Variants in FERRY3 observed in about 807,000 individuals in gnomAD.
The protein encoded by FERRY3 is FERRY endosomal RAB5 effector complex subunit 3, also known as protein C12orf4.
chr12:4,527,499 C>T, the FERRY3 span, among the ~76,000 whole-genome samples: 1 of 152,040 alleles, frequency 6.6e-6, no homozygotes. Context: ...ATCATTATAA[C>T]TTGTATTATT....
chr12:4,487,896 T>C, the FERRY3 span: 2 of 152,126 alleles, frequency 1.3e-5, no homozygotes, highest in Non-Finnish European at 2.9e-5. Context: ...AGAAGCCCTT[T>C]AGAACACTCA....
the FERRY3 span, among the ~76,000 whole-genome samples, chr12:4,530,757 C>T: frequency 2.0e-5 from 3 of 151,908 alleles, no homozygotes; most frequent in African/African-American, 7.3e-5. Flanking sequence ...ACAAGAAAAG[C>T]AGAAACAGGG....
At chr12:4,528,308 T>A in the FERRY3 span, among the ~76,000 whole-genome samples, 1 of 152,174 alleles carries the variant, frequency 6.6e-6, no homozygotes, top group Non-Finnish European at 1.5e-5. Context: ...TTAATTAGTA[T>A]TAGGTAATTC....
At chr12:4,492,869 CT>C in the FERRY3 span, among the ~76,000 whole-genome samples, 1 of 152,152 alleles carries the variant, frequency 6.6e-6, no homozygotes, top group African/African-American at 2.4e-5. Context: ...CTATTTAAGG[CT>C]ACATACTTTA....
the FERRY3 span, among the ~76,000 whole-genome samples, chr12:4,516,007 A>G: frequency 6.6e-6 from 1 of 152,230 alleles, no homozygotes; most frequent in African/African-American, 2.4e-5. Flanking sequence ...ATGTTATGTT[A>G]TGGATAAATA....
At chr12:4,523,934 T>G in the FERRY3 span, among the ~76,000 whole-genome samples, 9 of 152,048 alleles carry the variant, frequency 5.9e-5, no homozygotes, top group African/African-American at 2.2e-4. Context: ...GTTGTGCACA[T>G]GTACCCTAGA....
chr12:4,507,333 A>AT, the FERRY3 span, among the ~76,000 whole-genome samples: 1 of 152,124 alleles, frequency 6.6e-6, no homozygotes, highest in African/African-American at 2.4e-5. Context: ...GTATACCGAG[A>AT]TTTTCTGAAA....
At chr12:4,527,739 G>A in the FERRY3 span, among the ~76,000 whole-genome samples, 1 of 151,656 alleles carries the variant, frequency 6.6e-6, no homozygotes. Flanking sequence ...TCAAGCTAGC[G>A]GTTTGGACAG....
the FERRY3 span, among the ~76,000 whole-genome samples, chr12:4,492,507 GATT>G: frequency 6.6e-6 from 1 of 152,166 alleles, no homozygotes; most frequent in Non-Finnish European, 1.5e-5. Flanking sequence ...CATCATCAAT[GATT>G]ATTAATTACC....
chr12:4,493,097 C>T, the FERRY3 span, among the ~76,000 whole-genome samples: 1 of 152,130 alleles, frequency 6.6e-6, no homozygotes, highest in African/African-American at 2.4e-5. Context: ...AGCTTAATTG[C>T]CATCTCCTCC....
the FERRY3 span, among the ~76,000 whole-genome samples, chr12:4,537,378 A>C: frequency 1.3e-5 from 2 of 151,848 alleles, no homozygotes; most frequent in African/African-American, 4.8e-5. Context: ...TCTATTTCTT[A>C]CTCTTGGCTA....
At chr12:4,524,338 CAGTA>C in the FERRY3 span, among the ~76,000 whole-genome samples, 1,440 of 151,896 alleles carry the variant, frequency 9.5e-3, 24 homozygotes, top group African/African-American at 0.033. Context: ...TTGGGGAAAA[CAGTA>C]AGGCAAATGA....
the FERRY3 span, among the ~76,000 whole-genome samples, chr12:4,523,717 C>A: frequency 5.9e-5 from 9 of 152,212 alleles, no homozygotes; most frequent in Admixed American, 5.9e-4. Flanking sequence ...GGACAAAAAA[C>A]CAAACACCGC....
chr12:4,530,981 A>AT, the FERRY3 span, among the ~76,000 whole-genome samples: 1 of 152,178 alleles, frequency 6.6e-6, no homozygotes, highest in African/African-American at 2.4e-5. Flanking sequence ...AAAAAAAAAA[A>AT]CTAAATTCTT....
the FERRY3 span, chr12:4,534,416 T>C: frequency 6.8e-6 from 8 of 1,182,684 alleles, no homozygotes; most frequent in Non-Finnish European, 9.2e-6. Context: ...TTATTTTTTA[T>C]TTAGAGATGG....
At chr12:4,495,872 C>T in the FERRY3 span, among the ~76,000 whole-genome samples, 9 of 152,180 alleles carry the variant, frequency 5.9e-5, no homozygotes, top group African/African-American at 1.9e-4. Context: ...TTCATCAATG[C>T]TATTTAGAGA....
the FERRY3 span, among the ~76,000 whole-genome samples, chr12:4,517,684 AATATATATAT>A: frequency 7.1e-6 from 1 of 140,562 alleles, no homozygotes; most frequent in Non-Finnish European, 1.5e-5. Flanking sequence ...AGGTTATTAA[AATATATATAT>A]ATATATATAT....
At chr12:4,521,089 G>A in the FERRY3 span, among the ~76,000 whole-genome samples, 2 of 152,084 alleles carry the variant, frequency 1.3e-5, no homozygotes, top group African/African-American at 2.4e-5. Flanking sequence ...GGCTGGGTGC[G>A]GTGGCTCATG....
the FERRY3 span, among the ~76,000 whole-genome samples, chr12:4,508,331 G>A: frequency 6.6e-6 from 1 of 151,970 alleles, no homozygotes; most frequent in African/African-American, 2.4e-5. Context: ...TGCAAACAAA[G>A]AAAAGAAAGA....
Sources: gnomAD v4.1 joint callset for allele counts (sites outside exome capture counted in the v4.1 genomes callset) on GRCh38, gnomAD v4.1.1 for gene constraint, MANE v1.5 for transcripts, NCBI Gene and HGNC (gene_info 2026-07-23, HGNC 2026-07-21) for gene names.